Variants in YLPM1 observed in about 807,000 individuals in gnomAD.
YLPM1 encodes the protein YLP motif containing 1.
In YLPM1, 99 loss-of-function variants were observed where a neutral mutation model predicts 230.0. The ratio of observed to expected loss-of-function variants is 0.43; its 90% confidence interval spans 0.37 to 0.51. The LOEUF (loss-of-function observed/expected upper bound fraction) is 0.51, where lower values mean the gene tolerates loss of function less well. Ranked by LOEUF, YLPM1 falls within the 20% of genes least tolerant of loss-of-function variation. YLPM1 has a pLI of 0.00. For synonymous variants in YLPM1, 984 were observed against 942.5 expected (o/e 1.04, Z -0.81); for missense variants, 2,592 against 2,707.7 (o/e 0.96, Z 0.95).
chr14:74,763,836 G>C lies in YLPM1; in HGVS notation c.347G>C (p.Ser116Thr), dbSNP rs1267619071. Residue 116 changes from serine to threonine, a missense_variant, in exon 1 of 21, where the codon AGC becomes ACC. Ser to Thr is a moderately conservative substitution (Grantham distance 58, BLOSUM62 1). Around this residue, in one of 4 missense-constraint regions of YLPM1, gnomAD observed 1,862 missense variants for 1,819.8 expected, o/e 1.02. Transcript: ENST00000325680. Reference protein sequence around the residue: ...PMPPPPGPALSYQKQQQYKHQ... With the variant: ...PMPPPPGPALTYQKQQQYKHQ... ...CCCCCGCCACCCGGGCCGGCCCTCA[G>C]CTATCAGAAGCAGCAGCAGTACAAA... 1.3e-6 allele frequency: 2 copies of C among 1,514,392 alleles called. No individual in the cohort carries two copies. The highest frequency in any genetic ancestry group is 2.8e-5 in the African/African-American group (2 of 71,160). The allele number at this position is 1,514,392 out of a possible 1,614,324, so 93.8% of individuals were successfully genotyped here. A position where few individuals can be genotyped will look rare whatever the true frequency, so the allele number is the denominator to read the frequency against.
In YLPM1 at chr14:74,835,390, C is replaced by G. The variant is rs1392332065; in HGVS notation, c.6420C>G (p.Leu2140=). 1.2e-6 allele frequency: 2 copies of G among 1,613,468 alleles called. No homozygotes were observed. Among genetic ancestry groups the G allele is most frequent in the African/African-American group, 2.7e-5 (2 of 74,890 alleles). ...DESGHLAEKA[L]NRTKYI ...GTGGTCACCTGGCTGAAAAAGCCCT[C>G]AATCGAACCAAATATATATGAGACT... Residue 2140 remains leucine (L), a synonymous_variant, in exon 20 of 21, where the codon CTC becomes CTG. Coordinates refer to ENST00000325680, the MANE Select transcript of YLPM1 (RefSeq NM_019589.3).
At position 74,799,086 on chromosome 14, in the gene YLPM1, TTGG is replaced by T. The variant is rs1263191768; in HGVS notation, c.3793_3795del (p.Trp1265del). 3 of 1,613,740 alleles carry T rather than the reference TTGG, an allele frequency of 1.9e-6. No homozygotes were observed. ...CTCATGATGGAGATAGGCGAGGCCC[TTGG>T]TGGGATGATTGGGAGAGAGACCAGG... On this transcript the variant is annotated inframe_deletion, in exon 5 of 21. Coordinates refer to ENST00000325680, the MANE Select transcript of YLPM1 (RefSeq NM_019589.3).
At chr14:74,812,595 A>G (rs376791326) in intron 10 of YLPM1, 33 bp from the exon 11 acceptor site, 3 of 1,594,702 alleles carry the variant, frequency 1.9e-6, no homozygotes, top group Non-Finnish European at 2.6e-6. Flanking sequence ...TTACTCTACA[A>G]ATAGTAATTT....
chr14:74,774,320 C>G (rs891023140), intron 1 of YLPM1, among the ~76,000 whole-genome samples: 1 of 152,188 alleles, frequency 6.6e-6, no homozygotes, highest in Admixed American at 6.5e-5. Flanking sequence ...GCAACCTCCA[C>G]CTCCTGGGTT....
chr14:74,770,815 T>C (rs1299232149), intron 1 of YLPM1, among the ~76,000 whole-genome samples: 2 of 152,176 alleles, frequency 1.3e-5, no homozygotes, highest in Non-Finnish European at 2.9e-5. Flanking sequence ...ATGTGACAGA[T>C]TGGCATTTTT....
chr14:74,808,999 T>C (rs1320064237), intron 6 of YLPM1, among the ~76,000 whole-genome samples: 1 of 152,170 alleles, frequency 6.6e-6, no homozygotes, highest in African/African-American at 2.4e-5. Context: ...ATTGGGATTT[T>C]AATTTGTGTT....
intron 16 of YLPM1, among the ~76,000 whole-genome samples, chr14:74,820,517 G>A (rs866911708): frequency 2.0e-5 from 3 of 152,110 alleles, no homozygotes; most frequent in Admixed American, 6.6e-5. Flanking sequence ...CAAAGTGCTG[G>A]GATTATAGGC....
chr14:74,806,962 C>A (rs2091385486), intron 6 of YLPM1, among the ~76,000 whole-genome samples: 1 of 152,056 alleles, frequency 6.6e-6, no homozygotes, highest in South Asian at 2.1e-4. Context: ...TCTATGAGAT[C>A]TTAAGATATT....
intron 19 of YLPM1, among the ~76,000 whole-genome samples, chr14:74,834,311 G>T (rs191699539): frequency 7.2e-5 from 11 of 152,230 alleles, no homozygotes. Context: ...ATCTTGCCAT[G>T]AATTATATCA....
rs2091641225 is a variant in YLPM1, at chr14:74,836,007, G to T, written c.*269G>T. On this transcript the variant is annotated 3_prime_UTR_variant, in exon 21 of 21. Coordinates refer to ENST00000325680, the MANE Select transcript of YLPM1 (RefSeq NM_019589.3). ...AGCTTAACTGCTGAAGCCAGGCGGG[G>T]GTCTGCTGGAGGATTCCAACAGAGA... is the stretch of plus-strand genomic sequence containing the variant. 4.8e-6 allele frequency: 2 copies of T among 415,904 alleles called. No individual in the cohort carries two copies. The highest frequency in any genetic ancestry group is 3.5e-5 in the South Asian group (2 of 57,114). 25.8% of individuals were successfully genotyped at this position (415,904 alleles called of 1,614,324 possible).
At chr14:74,771,172 A>G (rs1208291137) in intron 1 of YLPM1, among the ~76,000 whole-genome samples, 1 of 152,216 alleles carries the variant, frequency 6.6e-6, no homozygotes, top group Admixed American at 6.5e-5. Flanking sequence ...GGTTTCAGAC[A>G]TACTGAGTTT....
chr14:74,764,128 C>A lies in YLPM1; in HGVS notation c.639C>A (p.Ser213=), dbSNP rs1453663024. 1 of 1,613,586 alleles carries A rather than the reference C, an allele frequency of 6.2e-7. No individual in the cohort carries two copies. The highest frequency in any genetic ancestry group is 2.2e-5 in the East Asian group (1 of 44,866). Residue 213 remains serine (S), a synonymous_variant, in exon 1 of 21, where the codon TCC becomes TCA. Coordinates refer to ENST00000325680, the MANE Select transcript of YLPM1 (RefSeq NM_019589.3). ...PTPSYSSSSS[S]SQSYLSHSQS... is the part of the protein sequence containing the mutation. Reference sequence around the variant, plus strand: ...CTTCTTACTCATCCTCCTCCTCTTCCTCGCAATCCTATTTGAGCCATTCCC... The same window carrying A: ...CTTCTTACTCATCCTCCTCCTCTTCATCGCAATCCTATTTGAGCCATTCCC...
intron 1 of YLPM1, 149 bp downstream of exon 1, chr14:74,764,511 G>C: frequency 8.9e-7 from 1 of 1,126,442 alleles, no homozygotes; most frequent in Non-Finnish European, 1.2e-6. Context: ...AGGGCTGACA[G>C]CTCAGCTTTT....
chr14:74,781,877 T>C lies in YLPM1; in HGVS notation c.1834T>C (p.Ser612Pro), dbSNP rs777054026. The change falls in exon 4 of 21, where the codon TCA (serine) becomes CCA (proline). Residue 612 changes from serine to proline, a missense_variant. Physicochemically the swap from Ser to Pro is moderately conservative, Grantham distance 74 (BLOSUM62 -1). This residue lies in a region of YLPM1 where 1,862 missense variants were observed against 1,819.8 expected (regional missense o/e 1.02). Transcript: ENST00000325680. The stretch of plus-strand genomic sequence containing the variant: ...AGTTCTTCCCCCACCATCTCTCTCT[T>C]CAACAGCACCTCCACCTGTCATGCC... The part of the protein sequence containing the change: ...PPVLPPPSLS[S>P]TAPPPVMPLP... The C allele has an allele frequency of 2.5e-6, 4 of 1,613,104 alleles. No homozygotes were observed. Among genetic ancestry groups the C allele is most frequent in the Non-Finnish European group, 2.5e-6 (3 of 1,179,698 alleles).
At chr14:74,766,830 A>G (rs1359124089) in intron 1 of YLPM1, among the ~76,000 whole-genome samples, 5 of 150,018 alleles carry the variant, frequency 3.3e-5, no homozygotes, top group Non-Finnish European at 5.9e-5. Flanking sequence ...TCATCCCTAC[A>G]TTCTTAGTCA....
chr14:74,778,561 G>T lies in YLPM1; in HGVS notation c.988G>T (p.Val330Leu). ...GGTAGCAAAGGATACACCAGAGCCG[G>T]TAAAAGAAGAAGTTACAGTACCTGC... ...PVVAKDTPEP[V>L]KEEVTVPATS... The change falls in exon 2 of 21, where the codon GTA (valine) becomes TTA (leucine). Residue 330 changes from valine (V) to leucine (L), a missense_variant. Around this residue, in one of 4 missense-constraint regions of YLPM1, gnomAD observed 1,862 missense variants for 1,819.8 expected, o/e 1.02. Coordinates refer to ENST00000325680, the MANE Select transcript of YLPM1 (RefSeq NM_019589.3). 1 of 1,605,904 alleles carries T rather than the reference G, an allele frequency of 6.2e-7. No individual in the cohort carries two copies.
intron 6 of YLPM1, among the ~76,000 whole-genome samples, chr14:74,805,338 A>G (rs2091366907): frequency 6.6e-6 from 1 of 151,084 alleles, no homozygotes; most frequent in South Asian, 2.1e-4. Context: ...TCTTAGGAGT[A>G]AGTTTTATGT....
chr14:74,779,791 T>TCCCCTCCCCC (rs2091075476), intron 2 of YLPM1, among the ~76,000 whole-genome samples: 1 of 145,390 alleles, frequency 6.9e-6, no homozygotes, highest in African/African-American at 2.6e-5. Flanking sequence ...CTCTCTTCCC[T>TCCCCTCCCCC]CCCCTCCCCT....
At chr14:74,799,772 T>C in intron 5 of YLPM1, 75 bp downstream of exon 5, 1 of 1,454,720 alleles carries the variant, frequency 6.9e-7, no homozygotes. Context: ...TGATATGATA[T>C]ATTTGAATGG....
Sources: gnomAD v4.1 joint callset for allele counts (sites outside exome capture counted in the v4.1 genomes callset) on GRCh38, gnomAD v4.1.1 for gene constraint, gnomAD v4.1.1 regional missense constraint, MANE v1.5 for transcripts, NCBI Gene and HGNC (gene_info 2026-07-23, HGNC 2026-07-21) for gene names.